PCDHA3: variants seen among roughly 807,000 people sequenced by gnomAD.
The protein encoded by PCDHA3 is protocadherin alpha-3.
Under a neutral mutation model 62.2 loss-of-function variants are expected in PCDHA3, and 41 were observed. The observed-to-expected ratio is 0.66, with a 90% CI of 0.51 to 0.86. PCDHA3 has a LOEUF of 0.86. Ranked by LOEUF, PCDHA3 falls within the 40% of genes least tolerant of loss-of-function variation. The probability of loss-of-function intolerance (pLI) is 0.00; values close to 1 mark genes in which losing one functional copy is unlikely to be tolerated. For synonymous variants in PCDHA3, 640 were observed against 555.4 expected, an observed-to-expected ratio of 1.15 and a Z score of -2.14; for missense variants, 1,304 against 1,241.2, an observed-to-expected ratio of 1.05 and a Z score of -0.76.
chr5:140,823,780 G>A lies in PCDHA3; in HGVS notation c.2394+20189G>A, dbSNP rs2150129118. ...CACAGCCACAGTGCTGGTGTCGCTG[G>A]TGGAAAGTGGCCAGGCGCCGAAGGC... On this transcript the variant is annotated intron_variant, in intron 1 of 3. Coordinates refer to ENST00000522353, the MANE Select transcript of PCDHA3 (RefSeq NM_018906.3). 4 of 1,613,760 alleles carry A rather than the reference G, an allele frequency of 2.5e-6. No individual in the cohort carries two copies. The South Asian group carries it at 3.3e-5, about 13-fold the overall frequency.
intron 1 of PCDHA3, among the ~76,000 whole-genome samples, chr5:140,888,280 C>T (rs182771664): frequency 2.0e-5 from 3 of 152,210 alleles, no homozygotes; most frequent in African/African-American, 4.8e-5. Context: ...GTTTTGTCCC[C>T]TCTACCCCCT....
intron 1 of PCDHA3, among the ~76,000 whole-genome samples, chr5:140,898,461 G>T (rs1393934497): frequency 4.6e-5 from 7 of 152,102 alleles, no homozygotes; most frequent in Non-Finnish European, 8.8e-5. Flanking sequence ...TTTCCCCATT[G>T]CTTGTTTTTC....
At chr5:140,975,352 T>G (rs2096663445) in intron 1 of PCDHA3, among the ~76,000 whole-genome samples, 1 of 152,256 alleles carries the variant, frequency 6.6e-6, no homozygotes, top group African/African-American at 2.4e-5. Flanking sequence ...TAAAGCCAAC[T>G]GTGCTACATA....
chr5:140,902,381 A>G (rs2153476778), intron 1 of PCDHA3, among the ~76,000 whole-genome samples: 1 of 152,036 alleles, frequency 6.6e-6, no homozygotes, highest in South Asian at 2.1e-4. Flanking sequence ...TGCTCTAGCT[A>G]AGAGTACTAT....
chr5:140,848,600 C>T lies in PCDHA3; in HGVS notation c.2394+45009C>T, dbSNP rs2150414065. On this transcript the variant is annotated intron_variant, in intron 1 of 3. Coordinates refer to ENST00000522353, the MANE Select transcript of PCDHA3 (RefSeq NM_018906.3). ...GGAGCGGCCAGCTCCACTACTCCGT[C>T]CCGGAGGAAGCCGAACACGGCACCT... 7 of 1,593,634 alleles carry T rather than the reference C, an allele frequency of 4.4e-6. No homozygotes were observed. The African/African-American group carries it at 8.1e-5, about 18-fold the overall frequency.
chr5:140,809,005 G>A, intron 1 of PCDHA3: 1 of 1,613,694 alleles, frequency 6.2e-7, no homozygotes, highest in Non-Finnish European at 8.5e-7. Flanking sequence ...ACAACGCGTG[G>A]CTTTCGTACG....
At chr5:140,906,443 G>GAAATAA (rs1554192538) in intron 1 of PCDHA3, among the ~76,000 whole-genome samples, 1 of 152,068 alleles carries the variant, frequency 6.6e-6, no homozygotes, top group Non-Finnish European at 1.5e-5. Flanking sequence ...AACAAGAAAG[G>GAAATAA]AAATAAAATG....
At chr5:140,808,831 C>T in intron 1 of PCDHA3, 2 of 1,612,932 alleles carry the variant, frequency 1.2e-6, no homozygotes, top group Non-Finnish European at 1.7e-6. Context: ...TGGGCAGCAA[C>T]GTGACGCTGC....
At chr5:140,969,388 A>C in intron 1 of PCDHA3, 2 of 1,595,066 alleles carry the variant, frequency 1.3e-6, no homozygotes, top group Non-Finnish European at 1.7e-6. Context: ...CACATCCCCC[A>C]ATATCCTGTG....
intron 3 of PCDHA3, among the ~76,000 whole-genome samples, chr5:141,007,495 G>T (rs2098332812): frequency 6.6e-6 from 1 of 151,988 alleles, no homozygotes; most frequent in Non-Finnish European, 1.5e-5. Flanking sequence ...TTGGACCTAG[G>T]AGGCAGAGAC....
rs2150126889 is a variant in PCDHA3, at chr5:140,823,558, G to T, written c.2394+19967G>T. 6.2e-5 allele frequency: 100 copies of T among 1,613,898 alleles called. No individual in the cohort carries two copies. In the East Asian group the frequency reaches 1.9e-3, roughly 30 times the overall value. On this transcript the variant is annotated intron_variant, in intron 1 of 3. Transcript: ENST00000522353. ...GGGCCACGTGGTGGCGAAGGTGCGCGCAGTGGACCCTGATTCGGGCTACAA... is the reference window on the plus strand; with the variant it reads ...GGGCCACGTGGTGGCGAAGGTGCGCTCAGTGGACCCTGATTCGGGCTACAA...
chr5:140,870,276 C>T (rs1554163984), intron 1 of PCDHA3: 3 of 1,614,170 alleles, frequency 1.9e-6, no homozygotes, highest in South Asian at 1.1e-5. Context: ...TGACGCCCCA[C>T]GTTCCCTTCA....
At chr5:140,842,126 C>T (rs534570289) in intron 1 of PCDHA3, 2 of 1,613,822 alleles carry the variant, frequency 1.2e-6, no homozygotes, top group Non-Finnish European at 1.7e-6. Flanking sequence ...TGCTTCTGAT[C>T]CGGATGAAGG....
At chr5:140,885,917 T>G (rs2060772831) in intron 1 of PCDHA3, among the ~76,000 whole-genome samples, 1 of 152,212 alleles carries the variant, frequency 6.6e-6, no homozygotes, top group Non-Finnish European at 1.5e-5. Flanking sequence ...TTATAGATAT[T>G]AACTGTTTAT....
intron 1 of PCDHA3, chr5:140,857,545 C>A (rs782516369): frequency 6.3e-7 from 1 of 1,596,810 alleles, no homozygotes; most frequent in African/African-American, 1.3e-5. Flanking sequence ...GGCGGTTGGG[C>A]GAGCGCTCGC....
chr5:140,902,180 A>G (rs991898675), intron 1 of PCDHA3, among the ~76,000 whole-genome samples: 2 of 140,608 alleles, frequency 1.4e-5, no homozygotes, highest in East Asian at 4.1e-4. Context: ...GATGTCCTTT[A>G]TGTCTTCTCT....
rs372058384 is a variant in PCDHA3, at chr5:140,875,718, C to T, written c.2394+72127C>T. ...TTCTGGAGGTAAATCTGCAGAATGGCATTTTGTTTGTGAATTCTCGGATCG... is the reference window on the plus strand; with the variant it reads ...TTCTGGAGGTAAATCTGCAGAATGGTATTTTGTTTGTGAATTCTCGGATCG... On this transcript the variant is annotated intron_variant, in intron 1 of 3. Coordinates refer to ENST00000522353, the MANE Select transcript of PCDHA3 (RefSeq NM_018906.3). 2.4e-5 allele frequency: 38 copies of T among 1,614,182 alleles called. 1 individual carries two copies. The highest frequency in any genetic ancestry group is 2.7e-5 in the Non-Finnish European group (32 of 1,180,048).
At chr5:140,869,951 CAATT>C (rs1554163647) in intron 1 of PCDHA3, 4 of 1,611,984 alleles carry the variant, frequency 2.5e-6, no homozygotes, top group Non-Finnish European at 3.4e-6. Flanking sequence ...TCCTTAATGT[CAATT>C]AAGCCCAATG....
At chr5:140,808,283 G>A (rs367717209) in intron 1 of PCDHA3, 2 of 1,614,098 alleles carry the variant, frequency 1.2e-6, no homozygotes, top group African/African-American at 2.7e-5. Flanking sequence ...CGCTCCACTG[G>A]GTACAGTCAT....
Sources: allele counts gnomAD v4.1 joint callset (sites outside exome capture counted in the v4.1 genomes callset), GRCh38; gene constraint gnomAD v4.1.1; transcripts MANE v1.5; gene names NCBI Gene and HGNC (gene_info 2026-07-23, HGNC 2026-07-21).